The following IQGAP2 variants were observed in gnomAD, a reference collection of about 807,000 sequenced individuals.
IQGAP2 encodes IQ motif containing GTPase activating protein 2.
A neutral mutation model predicts 201.3 loss-of-function variants in IQGAP2; 173 were observed. The observed-to-expected ratio is 0.86, with a 90% confidence interval of 0.76 to 0.98. The LOEUF is 0.98. Among genes scored for constraint, IQGAP2 ranks in the 50% least tolerant of loss-of-function variants. The pLI is 0.00. For synonymous variants in IQGAP2, 675 were observed against 673.9 expected (o/e 1.00, Z -0.03); for missense variants, 1,687 against 1,864.8 (o/e 0.90, Z 1.76).
At position 76,645,324 on chromosome 5, in the gene IQGAP2, CT is replaced by C. The variant is rs1180274506; in HGVS notation, c.2094+4224del. ...GCAGTAAACATACTTGTGCATGTGT[CT>C]TTATAGTAGAATGATTTATATCCTT... On this transcript the variant is annotated intron_variant, in intron 17 of 35. Transcript: ENST00000274364. Among the ~76,000 whole-genome samples, 11 of 152,268 alleles carry C rather than the reference CT, an allele frequency of 7.2e-5. No individual in the cohort carries two copies. The East Asian group carries it at 9.7e-4, about 13-fold the overall frequency.
intron 11 of IQGAP2, among the ~76,000 whole-genome samples, chr5:76,603,194 C>T (rs1747550936): frequency 6.6e-6 from 1 of 152,152 alleles, no homozygotes; most frequent in Non-Finnish European, 1.5e-5. Context: ...GTGGTCCTCT[C>T]ACCATCAGGA....
Position 76,447,522 on chromosome 5 carries a change from C to T in IQGAP2, c.47-14048C>T, listed in dbSNP as rs953711395. On this transcript the variant is annotated intron_variant, in intron 1 of 35. Coordinates refer to ENST00000274364, the MANE Select transcript of IQGAP2 (RefSeq NM_006633.5). ...AAAAAACATGGGGCATAGCCACGTCCGTCGAGAGCTGCCAGAATCGGTGGG... is the reference window on the plus strand; with the variant it reads ...AAAAAACATGGGGCATAGCCACGTCTGTCGAGAGCTGCCAGAATCGGTGGG... Among the ~76,000 whole-genome samples the T allele has an allele frequency of 8.7e-4, 132 of 152,298 alleles. 2 individuals carry two copies. The highest frequency in any genetic ancestry group is 8.3e-3 in the Admixed American group (127 of 15,300).
At chr5:76,647,087 C>T (rs1043563608) in intron 17 of IQGAP2, among the ~76,000 whole-genome samples, 3 of 152,026 alleles carry the variant, frequency 2.0e-5, no homozygotes, top group Admixed American at 2.0e-4. Context: ...ATATAGTAAG[C>T]TTTAAGGACT....
In IQGAP2 at chr5:76,590,522, C is replaced by T; in HGVS notation, c.755C>T (p.Ala252Val). The T allele has an allele frequency of 6.2e-7, 1 of 1,613,510 alleles. No homozygotes were observed. Among genetic ancestry groups the T allele is most frequent in the Non-Finnish European group, 8.5e-7 (1 of 1,179,722 alleles). Residue 252 changes from alanine to valine, a missense_variant, in exon 8 of 36, where the codon GCA becomes GTA. Physicochemically the swap from Ala to Val is moderately conservative, Grantham distance 64 (BLOSUM62 0). Transcript: ENST00000274364. ...TTAACTTTAGTGGATGACAACCTTG[C>T]ACCAGAATATCAGAAAGAACTCTGG... ...AVLTLVDDNL[A>V]PEYQKELWDA...
At chr5:76,434,651 A>C (rs764917442) in intron 1 of IQGAP2, among the ~76,000 whole-genome samples, 5 of 152,144 alleles carry the variant, frequency 3.3e-5, no homozygotes, top group Non-Finnish European at 7.4e-5. Flanking sequence ...TGAAAAAGAC[A>C]CCTGCATTAA....
At position 76,641,077 on chromosome 5, in the gene IQGAP2, C is replaced by T; in HGVS notation, c.2068C>T (p.Gln690Ter). ...FEARKSFLHEQEENVVKIQAF... is the reference protein window; with the variant it reads ...FEARKSFLHE ...AGCTAGAAAATCATTTTTGCATGAA[C>T]AAGAAGAGAATGTGGTCAAAATACA... The change falls in exon 17 of 36, where the codon CAA (glutamine) becomes TAA (stop). Residue 690 changes from glutamine (Q) to a stop codon, truncating the protein, a stop_gained. Transcript: ENST00000274364. LOFTEE classifies it high-confidence loss of function. The T allele has an allele frequency of 2.5e-6, 4 of 1,603,990 alleles. No individual in the cohort carries two copies. Among genetic ancestry groups the T allele is most frequent in the Non-Finnish European group, 3.4e-6 (4 of 1,171,838 alleles).
chr5:76,479,351 T>G (rs1755639208), intron 2 of IQGAP2, among the ~76,000 whole-genome samples: 1 of 152,134 alleles, frequency 6.6e-6, no homozygotes, highest in African/African-American at 2.4e-5. Context: ...TCCCTGTGCT[T>G]TTGTCTAGAG....
intron 1 of IQGAP2, among the ~76,000 whole-genome samples, chr5:76,455,474 A>G (rs1007695615): frequency 4.2e-5 from 6 of 143,686 alleles, no homozygotes; most frequent in East Asian, 2.0e-4. Context: ...AAAAAAAAAA[A>G]AGAGAACAAA....
intron 1 of IQGAP2, among the ~76,000 whole-genome samples, chr5:76,448,029 C>G (rs1045392158): frequency 6.6e-6 from 1 of 152,038 alleles, no homozygotes; most frequent in African/African-American, 2.4e-5. Context: ...TTTGGGAAGC[C>G]TGGGGATGTG....
intron 2 of IQGAP2, among the ~76,000 whole-genome samples, chr5:76,474,594 G>A (rs5009957): frequency 0.45 from 68,606 of 151,896 alleles, 16,389 homozygotes; most frequent in Non-Finnish European, 0.53. Flanking sequence ...TTTTCCCATC[G>A]TGTGATTTGT....
chr5:76,413,456 A>T (rs1459720076), intron 1 of IQGAP2, among the ~76,000 whole-genome samples: 1 of 152,142 alleles, frequency 6.6e-6, no homozygotes, highest in Non-Finnish European at 1.5e-5. Context: ...GGCGTGGGCC[A>T]CCACGCCCAA....
At chr5:76,593,890 A>G (rs539215904) in intron 9 of IQGAP2, among the ~76,000 whole-genome samples, 5 of 152,278 alleles carry the variant, frequency 3.3e-5, no homozygotes, top group African/African-American at 9.6e-5. Context: ...CGGTGTTACT[A>G]AGAAGTCTGC....
intron 2 of IQGAP2, among the ~76,000 whole-genome samples, chr5:76,473,525 G>C (rs563682861): frequency 2.0e-5 from 3 of 152,072 alleles, no homozygotes; most frequent in African/African-American, 7.2e-5. Flanking sequence ...AAATAAAATA[G>C]AGATGAGATC....
intron 31 of IQGAP2, among the ~76,000 whole-genome samples, chr5:76,694,687 G>A (rs996872259): frequency 9.9e-5 from 15 of 152,208 alleles, no homozygotes; most frequent in African/African-American, 3.6e-4. Flanking sequence ...TGGTAATAAT[G>A]TTCCAATAAT....
chr5:76,637,940 T>C (rs2455231), intron 16 of IQGAP2, among the ~76,000 whole-genome samples: 86,432 of 152,120 alleles, frequency 0.57, 24,651 homozygotes, highest in South Asian at 0.62. Flanking sequence ...TTAACTAATC[T>C]GTGACCCATA....
At chr5:76,675,032 A>T (rs1715027758) in intron 27 of IQGAP2, among the ~76,000 whole-genome samples, 1 of 152,190 alleles carries the variant, frequency 6.6e-6, no homozygotes, top group Non-Finnish European at 1.5e-5. Context: ...TAAAAATCAA[A>T]ATAGCAGATT....
At chr5:76,638,332 T>C (rs1430119884) in intron 16 of IQGAP2, among the ~76,000 whole-genome samples, 1 of 152,106 alleles carries the variant, frequency 6.6e-6, no homozygotes, top group Non-Finnish European at 1.5e-5. Context: ...TGAGCCAAGA[T>C]CGCACCATTG....
intron 29 of IQGAP2, 131 bp from the exon 30 acceptor site, chr5:76,683,645 G>C: frequency 1.3e-6 from 1 of 762,240 alleles, no homozygotes; most frequent in Middle Eastern, 2.5e-4. Flanking sequence ...TAGAATGTGG[G>C]TTTTGTAAAG....
intron 30 of IQGAP2, among the ~76,000 whole-genome samples, chr5:76,689,638 T>G (rs2150529681): frequency 6.6e-6 from 1 of 152,322 alleles, no homozygotes; most frequent in Admixed American, 6.5e-5. Context: ...CTTAAGAATT[T>G]CCTGTCACAT....
Sources: allele counts gnomAD v4.1 joint callset (sites outside exome capture counted in the v4.1 genomes callset), GRCh38; gene constraint gnomAD v4.1.1; transcripts MANE v1.5; gene names NCBI Gene and HGNC (gene_info 2026-07-23, HGNC 2026-07-21).